Variants in TRIP4 observed in about 807,000 individuals in gnomAD.
TRIP4 encodes activating signal cointegrator 1.
Under a neutral mutation model 81.8 loss-of-function variants are expected in TRIP4, and 54 were observed. The observed-to-expected ratio is 0.66, with a 90% CI of 0.53 to 0.83. The LOEUF (loss-of-function observed/expected upper bound fraction) is 0.83. Among genes scored for constraint, TRIP4 ranks in the 40% least tolerant of loss-of-function variants. TRIP4 has a pLI of 0.00. For missense variants in TRIP4, 662 were observed against 683.6 expected (o/e 0.97, Z 0.35); for synonymous variants, 270 against 242.8 (o/e 1.11, Z -1.04).
intron 10 of TRIP4, among the ~76,000 whole-genome samples, chr15:64,424,961 G>C (rs1434071447): frequency 6.6e-6 from 1 of 152,070 alleles, no homozygotes; most frequent in East Asian, 1.9e-4. Context: ...ATTTTTAGTA[G>C]AGACAGGGTT....
chr15:64,395,763 A>G (rs1900273864), intron 3 of TRIP4, among the ~76,000 whole-genome samples: 1 of 148,800 alleles, frequency 6.7e-6, no homozygotes. Flanking sequence ...TTTCCCCAAG[A>G]CAGAGTCTTG....
At position 64,400,782 on chromosome 15, in the gene TRIP4, T is replaced by C. The variant is rs373910178; in HGVS notation, c.658T>C (p.Ser220Pro). The change falls in exon 5 of 13, where the codon TCA (serine) becomes CCA (proline). Residue 220 changes from serine (S) to proline (P), a missense_variant. Ser to Pro is a moderately conservative substitution (Grantham distance 74). Coordinates refer to ENST00000261884, the MANE Select transcript of TRIP4 (RefSeq NM_016213.5). ...HEEQDILQRD[S>P]NKSQKLLKKL... ...GGAACAAGATATTTTACAGCGTGAC[T>C]CAAACAAGAGCCAGAAACTGCTAAA... The C allele has an allele frequency of 7.4e-6, 12 of 1,614,120 alleles. No homozygotes were observed. The highest frequency in any genetic ancestry group is 1.7e-5 in the Admixed American group (1 of 60,008).
intron 11 of TRIP4, among the ~76,000 whole-genome samples, chr15:64,434,668 A>G (rs1356471694): frequency 1.3e-5 from 2 of 152,204 alleles, no homozygotes; most frequent in Non-Finnish European, 2.9e-5. Flanking sequence ...TGTTTGAAAA[A>G]TATGTTCTAG....
rs75747253 is a variant in TRIP4, at chr15:64,415,375, G to A, written c.1170+1164G>A. On this transcript the variant is annotated intron_variant, in intron 8 of 12. Coordinates refer to ENST00000261884, the MANE Select transcript of TRIP4 (RefSeq NM_016213.5). ...AGTGTATTAGTTTCCTAGGGCTGCT[G>A]TAACAAAGTACCACAAATTAGGTGA... 6.3e-3 allele frequency among the ~76,000 whole-genome samples: 966 copies of A among 152,272 alleles called. 3 individuals are homozygous for A. The highest frequency in any genetic ancestry group is 0.011 in the Non-Finnish European group (767 of 67,998).
intron 8 of TRIP4, among the ~76,000 whole-genome samples, chr15:64,416,247 T>C (rs1001598331): frequency 5.9e-5 from 9 of 151,978 alleles, no homozygotes; most frequent in African/African-American, 2.2e-4. Context: ...AAAATAATTA[T>C]CATCATAAAG....
chr15:64,439,148 G>A (rs1892463307), intron 11 of TRIP4, among the ~76,000 whole-genome samples: 1 of 152,164 alleles, frequency 6.6e-6, no homozygotes, highest in African/African-American at 2.4e-5. Context: ...GTAAGAAAAC[G>A]TTTATCTTCC....
At chr15:64,403,616 T>A (rs1891561355) in intron 5 of TRIP4, among the ~76,000 whole-genome samples, 1 of 152,234 alleles carries the variant, frequency 6.6e-6, no homozygotes, top group Non-Finnish European at 1.5e-5. Flanking sequence ...ACATTTGTTT[T>A]TCCATTTTCC....
chr15:64,397,823 A>G lies in TRIP4; in HGVS notation c.618+5A>G. On this transcript the variant is annotated splice_donor_5th_base_variant and intron_variant, in intron 4 of 12. Coordinates refer to ENST00000261884, the MANE Select transcript of TRIP4 (RefSeq NM_016213.5). ...TGCTTATTCTGTGGCACTCTGGTAAATTATTTCTTTTCTATTTTATTTTAC... is the reference window on the plus strand; with the variant it reads ...TGCTTATTCTGTGGCACTCTGGTAAGTTATTTCTTTTCTATTTTATTTTAC... The G allele has an allele frequency of 6.2e-7, 1 of 1,613,556 alleles. No individual in the cohort carries two copies. The highest frequency in any genetic ancestry group is 8.5e-7 in the Non-Finnish European group (1 of 1,179,744).
At chr15:64,437,124 T>C (rs906079854) in intron 11 of TRIP4, among the ~76,000 whole-genome samples, 4 of 151,780 alleles carry the variant, frequency 2.6e-5, no homozygotes, top group African/African-American at 9.7e-5. Context: ...CAATGGTAGA[T>C]ATATGAAAAA....
chr15:64,390,098 A>G (rs1047595507), intron 1 of TRIP4, among the ~76,000 whole-genome samples: 1 of 147,904 alleles, frequency 6.8e-6, no homozygotes, highest in Admixed American at 6.8e-5. Flanking sequence ...TATATTAAAT[A>G]TTAAATATAT....
intron 1 of TRIP4, among the ~76,000 whole-genome samples, chr15:64,389,323 G>A (rs1308461399): frequency 6.6e-6 from 1 of 152,162 alleles, no homozygotes; most frequent in Non-Finnish European, 1.5e-5. Flanking sequence ...GACAGTTCAA[G>A]TAGGTTATTT....
At chr15:64,394,196 TGCCATC>T in intron 2 of TRIP4, 81 bp downstream of exon 2, 1 of 1,252,656 alleles carries the variant, frequency 8.0e-7, no homozygotes, top group Non-Finnish European at 1.1e-6. Flanking sequence ...TTTTTTTTTT[TGCCATC>T]TTGTGTTTCT....
chr15:64,417,315 A>G (rs1404576615), intron 8 of TRIP4, among the ~76,000 whole-genome samples: 3 of 151,722 alleles, frequency 2.0e-5, no homozygotes, highest in Non-Finnish European at 4.4e-5. Flanking sequence ...CCTGGCCCTT[A>G]TTATTATTTT....
At chr15:64,391,289 T>G (rs1315343829) in intron 1 of TRIP4, among the ~76,000 whole-genome samples, 1 of 151,920 alleles carries the variant, frequency 6.6e-6, no homozygotes, top group African/African-American at 2.4e-5. Context: ...CCCCAGTAGC[T>G]TGGACTACAG....
intron 1 of TRIP4, among the ~76,000 whole-genome samples, chr15:64,390,080 A>G (rs1900077236): frequency 6.8e-6 from 1 of 146,686 alleles, no homozygotes; most frequent in Non-Finnish European, 1.5e-5. Context: ...ATCAAATATT[A>G]TATTAAATAT....
At position 64,393,989 on chromosome 15, in the gene TRIP4, GTT is replaced by G; in HGVS notation, c.146_147del (p.Val49AspfsTer2). The G allele has an allele frequency of 6.2e-7, 1 of 1,608,594 alleles. No individual in the cohort carries two copies. Among genetic ancestry groups the G allele is most frequent in the Non-Finnish European group, 8.5e-7 (1 of 1,177,720 alleles). Reference protein sequence around the residue: ...IESAEEIREYVTDLLQGNEGK... With the variant: ...IESAEEIREYXTDLLQGNEGK... ...GAGTGCTGAAGAGATACGAGAATAT[GTT>G]ACTGATCTCCTCCAGGGAAATGAAG... On this transcript the variant is annotated frameshift_variant, in exon 2 of 13. Coordinates refer to ENST00000261884, the MANE Select transcript of TRIP4 (RefSeq NM_016213.5). LOFTEE classifies it high-confidence loss of function.
At chr15:64,437,565 T>C (rs1440553406) in intron 11 of TRIP4, among the ~76,000 whole-genome samples, 1 of 150,146 alleles carries the variant, frequency 6.7e-6, no homozygotes, top group Non-Finnish European at 1.5e-5. Flanking sequence ...CGATCTCGGC[T>C]CACTGCAACC....
At chr15:64,402,687 C>T (rs751072558) in intron 5 of TRIP4, among the ~76,000 whole-genome samples, 1 of 151,784 alleles carries the variant, frequency 6.6e-6, no homozygotes, top group Non-Finnish European at 1.5e-5. Flanking sequence ...CCTTGTCCAG[C>T]TAATTTTTTT....
intron 5 of TRIP4, among the ~76,000 whole-genome samples, chr15:64,404,272 A>T (rs978304077): frequency 6.6e-6 from 1 of 151,936 alleles, no homozygotes; most frequent in African/African-American, 2.4e-5. Flanking sequence ...TGACATTTCA[A>T]ATTTGTTTTA....
Sources: allele counts gnomAD v4.1 joint callset (sites outside exome capture counted in the v4.1 genomes callset), GRCh38; gene constraint gnomAD v4.1.1; transcripts MANE v1.5; gene names NCBI Gene and HGNC (gene_info 2026-07-23, HGNC 2026-07-21).